The following PHF3 variants were observed in gnomAD, a reference collection of about 807,000 sequenced individuals.
PHF3 encodes PHD finger protein 3.
A neutral mutation model predicts 178.4 loss-of-function variants in PHF3; 41 were observed. The ratio of observed to expected loss-of-function variants is 0.23; its 90% CI spans 0.18 to 0.30. PHF3 has a LOEUF of 0.30. Among genes scored for constraint, PHF3 ranks in the 10% least tolerant of loss-of-function variants. The pLI is 1.00. For missense variants in PHF3, 2,346 were observed against 2,398.1 expected (o/e 0.98, Z 0.45); for synonymous variants, 842 against 800.5 (o/e 1.05, Z -0.88).
rs745439135 is a variant in PHF3 at position 63,712,863 on chromosome 6, G to C, written c.5275G>C (p.Ala1759Pro). ...TGTGCACCCATTTCGAAGAGGATCA[G>C]CAGTAGCGACATCTCATTTTGAAGT... Reference protein sequence around the residue: ...ETVHPFRRGSAVATSHFEVGN... With the variant: ...ETVHPFRRGSPVATSHFEVGN... The change falls in exon 16 of 16, where the codon GCA (alanine) becomes CCA (proline). Residue 1759 changes from alanine (A) to proline (P), a missense_variant. By Grantham distance (27) the Ala-to-Pro change is conservative. Coordinates refer to ENST00000262043, the MANE Select transcript of PHF3 (RefSeq NM_001370348.2). 9 of 1,614,044 alleles carry C rather than the reference G, an allele frequency of 5.6e-6. No homozygotes were observed. The highest frequency in any genetic ancestry group is 7.6e-6 in the Non-Finnish European group (9 of 1,179,960).
intron 2 of PHF3, among the ~76,000 whole-genome samples, chr6:63,655,177 C>T (rs1380192216): frequency 6.6e-6 from 1 of 152,122 alleles, no homozygotes; most frequent in Non-Finnish European, 1.5e-5. Context: ...AATTCTCCTG[C>T]CTCAGCCTCC....
chr6:63,639,751 G>A (rs1764494765), intron 1 of PHF3, among the ~76,000 whole-genome samples: 1 of 152,098 alleles, frequency 6.6e-6, no homozygotes, highest in African/African-American at 2.4e-5. Context: ...GAACTAATGA[G>A]ATAATGCATA....
intron 1 of PHF3, among the ~76,000 whole-genome samples, chr6:63,641,531 T>G (rs1324758966): frequency 1.4e-4 from 4 of 29,096 alleles, no homozygotes. Context: ...GGTGTGTATG[T>G]GTGTGTGTGT....
In PHF3 at chr6:63,684,449, C is replaced by G; in HGVS notation, c.727C>G (p.Pro243Ala). The part of the protein sequence containing the change: ...GLDSKHKCNN[P>A]GEIDVPSHEL... ...AGATTCTAAGCATAAGTGTAATAAT[C>G]CGGGAGAAATAGATGTGCCATCTCA... The change falls in exon 4 of 16, where the codon CCG becomes GCG. Residue 243 changes from proline to alanine, a missense_variant. By Grantham distance (27) the Pro-to-Ala change is conservative. Transcript: ENST00000262043. 1 of 1,613,816 alleles carries G rather than the reference C, an allele frequency of 6.2e-7. No homozygotes were observed. The highest frequency in any genetic ancestry group is 8.5e-7 in the Non-Finnish European group (1 of 1,179,792).
chr6:63,706,363 G>A (rs147211969), intron 12 of PHF3, 139 bp downstream of exon 12: 45 of 632,202 alleles, frequency 7.1e-5, no homozygotes, highest in African/African-American at 7.0e-4. Flanking sequence ...TGTACTTTGA[G>A]ATAAAACAAG....
Position 63,698,524 on chromosome 6 carries a change from C to T in PHF3, c.2901C>T (p.Phe967=), listed in dbSNP as rs139220892. The change falls in exon 8 of 16, where the codon TTC becomes TTT. Residue 967 remains phenylalanine (F), a synonymous_variant. Coordinates refer to ENST00000262043, the MANE Select transcript of PHF3 (RefSeq NM_001370348.2). ...KVATKIEKEL[F]SFFRDTDAKY... ...CCACAAAAATTGAGAAAGAGCTTTT[C>T]TCTTTTTTTCGGGACACAGATGCTA... is the stretch of plus-strand genomic sequence containing the variant. 20 of 1,603,880 alleles carry T rather than the reference C, an allele frequency of 1.2e-5. No homozygotes were observed. The highest frequency in any genetic ancestry group is 1.7e-5 in the Non-Finnish European group (20 of 1,176,642).
chr6:63,655,608 T>C (rs1765199806), intron 2 of PHF3, among the ~76,000 whole-genome samples: 2 of 152,360 alleles, frequency 1.3e-5, no homozygotes, highest in South Asian at 4.1e-4. Context: ...TTATGTTCAC[T>C]TTAGTCCTAA....
chr6:63,637,187 C>T lies in PHF3; in HGVS notation c.-26+1037C>T, dbSNP rs567005881. On this transcript the variant is annotated intron_variant, in intron 1 of 15. Transcript: ENST00000262043. ...CTTCTCTAAATACTAACTTTACTAT[C>T]TTATTTTAAGCTAAATTTAAAAACC... is the stretch of plus-strand genomic sequence containing the variant. 2.0e-5 allele frequency among the ~76,000 whole-genome samples: 3 copies of T among 152,294 alleles called. No individual in the cohort carries two copies. The South Asian group carries it at 6.2e-4, about 32-fold the overall frequency.
At position 63,725,660 on chromosome 6, in the gene PHF3, G is replaced by T. The variant is rs865798243; in HGVS notation, c.*11952G>T. ...TTTTCTCTTTGAAATTATTTTGAGG[G>T]TATTTCAGAAGTGCATTGAGGTGGA... On this transcript the variant is annotated 3_prime_UTR_variant, in exon 16 of 16. Coordinates refer to ENST00000262043, the MANE Select transcript of PHF3 (RefSeq NM_001370348.2). 2.0e-5 allele frequency among the ~76,000 whole-genome samples: 3 copies of T among 151,982 alleles called. No individual in the cohort carries two copies. Among genetic ancestry groups the T allele is most frequent in the Admixed American group, 6.5e-5 (1 of 15,276 alleles).
At chr6:63,638,431 T>C (rs1378404697) in intron 1 of PHF3, among the ~76,000 whole-genome samples, 1 of 152,154 alleles carries the variant, frequency 6.6e-6, no homozygotes, top group African/African-American at 2.4e-5. Flanking sequence ...GTGTTTGCTT[T>C]TTTGATACAT....
Position 63,698,434 on chromosome 6 carries a change from T to A in PHF3, c.2826-15T>A. ...TTATACATTTGAAAAATAATTGAATTGTTCTAATTTTAAGACTTACAGACT... is the reference window on the plus strand; with the variant it reads ...TTATACATTTGAAAAATAATTGAATAGTTCTAATTTTAAGACTTACAGACT... On this transcript the variant is annotated splice_polypyrimidine_tract_variant and intron_variant, in intron 7 of 15. Coordinates refer to ENST00000262043, the MANE Select transcript of PHF3 (RefSeq NM_001370348.2). 1 of 1,585,682 alleles carries A rather than the reference T, an allele frequency of 6.3e-7. No homozygotes were observed. The highest frequency in any genetic ancestry group is 8.6e-7 in the Non-Finnish European group (1 of 1,166,562).
chr6:63,649,133 G>C (rs1175473286), intron 2 of PHF3, among the ~76,000 whole-genome samples: 2 of 151,154 alleles, frequency 1.3e-5, no homozygotes, highest in South Asian at 2.1e-4. Flanking sequence ...GGTAGAGACA[G>C]GGTCTTGTTA....
chr6:63,692,930 C>T (rs548652618), intron 5 of PHF3, among the ~76,000 whole-genome samples: 1 of 152,268 alleles, frequency 6.6e-6, no homozygotes, highest in African/African-American at 2.4e-5. Context: ...GATTGAAGAG[C>T]ATGAGGATGT....
At position 63,642,638 on chromosome 6, in the gene PHF3, A is replaced by G. The variant is rs79041580; in HGVS notation, c.-25-3889A>G. 5.6e-3 allele frequency among the ~76,000 whole-genome samples: 850 copies of G among 152,336 alleles called. 6 individuals are homozygous for G. The highest frequency in any genetic ancestry group is 0.019 in the African/African-American group (790 of 41,588). ...TACGGATTTAATTGGATATACACGT[A>G]TCATCAGCCATTTAAAATACACCCT... is the stretch of plus-strand genomic sequence containing the variant. On this transcript the variant is annotated intron_variant, in intron 1 of 15. Coordinates refer to ENST00000262043, the MANE Select transcript of PHF3 (RefSeq NM_001370348.2).
chr6:63,646,424 C>A, intron 1 of PHF3, 103 bp from the exon 2 acceptor site: 1 of 711,290 alleles, frequency 1.4e-6, no homozygotes, highest in Non-Finnish European at 2.1e-6. Context: ...TCAGAAATAC[C>A]TTAAGTGTGT....
Position 63,680,060 on chromosome 6 carries a change from T to C in PHF3, c.305T>C (p.Ile102Thr). 1 of 1,612,848 alleles carries C rather than the reference T, an allele frequency of 6.2e-7. No homozygotes were observed. Among genetic ancestry groups the C allele is most frequent in the East Asian group, 2.2e-5 (1 of 44,810 alleles). Residue 102 changes from isoleucine (I) to threonine (T), a missense_variant, in exon 3 of 16, where the codon ATT becomes ACT. By Grantham distance (89) the Ile-to-Thr change is moderately conservative (BLOSUM62 -1). Coordinates refer to ENST00000262043, the MANE Select transcript of PHF3 (RefSeq NM_001370348.2). ...GVVKESGNDT[I>T]DEEELILPNR... Reference sequence around the variant, plus strand: ...GTTAAAGAAAGTGGCAATGATACCATTGATGAAGAAGAACTGATTTTACCT... The same window carrying C: ...GTTAAAGAAAGTGGCAATGATACCACTGATGAAGAAGAACTGATTTTACCT...
intron 1 of PHF3, among the ~76,000 whole-genome samples, chr6:63,641,523 T>G (rs1167696483): frequency 8.7e-6 from 1 of 114,608 alleles, no homozygotes; most frequent in South Asian, 3.0e-4. Flanking sequence ...TATTGTTAGG[T>G]GTGTATGTGT....
rs1768036103 is a variant in PHF3 at position 63,713,119 on chromosome 6, G to A, written c.5531G>A (p.Gly1844Asp). ...CCACCTCCATTACTTCCCCCTCCAG[G>A]CTTTGGCTTTGCTCAAAATCCCATG... ...HLPPPLLPPP[G>D]FGFAQNPMVP... Residue 1844 changes from glycine (G) to aspartate (D), a missense_variant, in exon 16 of 16, where the codon GGC (glycine) becomes GAC (aspartate). Coordinates refer to ENST00000262043, the MANE Select transcript of PHF3 (RefSeq NM_001370348.2). The A allele has an allele frequency of 1.2e-6, 2 of 1,613,724 alleles. No homozygotes were observed. Among genetic ancestry groups the A allele is most frequent in the Admixed American group, 1.7e-5 (1 of 59,948 alleles).
chr6:63,680,259 T>A (rs915276611), intron 3 of PHF3, 98 bp downstream of exon 3: 7 of 1,113,066 alleles, frequency 6.3e-6, no homozygotes, highest in African/African-American at 6.3e-5. Context: ...TTTCTTGATG[T>A]TTTGCTAATC....
Sources: allele counts gnomAD v4.1 joint callset (sites outside exome capture counted in the v4.1 genomes callset), GRCh38; gene constraint gnomAD v4.1.1; transcripts MANE v1.5; gene names NCBI Gene and HGNC (gene_info 2026-07-23, HGNC 2026-07-21).